Variants in CSMD2 observed in about 807,000 individuals in gnomAD.
CSMD2 encodes CUB and sushi domain-containing protein 2.
In CSMD2, 130 loss-of-function variants were observed where a neutral mutation model predicts 398.5. The observed-to-expected ratio is 0.33, with a 90% CI of 0.28 to 0.38. The LOEUF (loss-of-function observed/expected upper bound fraction) is 0.38. CSMD2 is among the 10% of genes least tolerant of loss of function. CSMD2 has a pLI of 1.00. For missense variants in CSMD2, 3,829 were observed against 4,764.9 expected (o/e 0.80, Z 5.78); for synonymous variants, 1,828 against 1,908.5 (o/e 0.96, Z 1.10).
At chr1:33,698,698 G>GA (rs1645502940) in intron 24 of CSMD2, 55 bp downstream of exon 24, 1 of 1,512,758 alleles carries the variant, frequency 6.6e-7, no homozygotes, top group African/African-American at 1.4e-5. Flanking sequence ...ACCAGGACTA[G>GA]AGCTTGGTAT....
intron 10 of CSMD2, among the ~76,000 whole-genome samples, chr1:33,806,640 T>G (rs112932528): frequency 6.6e-6 from 1 of 152,212 alleles, no homozygotes; most frequent in Admixed American, 6.5e-5. Flanking sequence ...TGTTTAATTA[T>G]GGAAAGAATT....
In CSMD2 at chr1:33,559,402, C is replaced by T; in HGVS notation, c.8452G>A (p.Val2818Met). The change falls in exon 54 of 71, where the codon GTG (valine) becomes ATG (methionine). Residue 2818 changes from valine to methionine, a missense_variant. Coordinates refer to ENST00000373381, the MANE Select transcript of CSMD2 (RefSeq NM_001281956.2). The surrounding 1 kb of genome is among the most constrained non-coding windows in gnomAD (Gnocchi z 4.0). Reference sequence around the variant, plus strand: ...CCAGGGTTGCAAACAAACTTGACCACATCGTTGAGGTTAAACTGGTTACCC... The same window carrying T: ...CCAGGGTTGCAAACAAACTTGACCATATCGTTGAGGTTAAACTGGTTACCC... ...TQGNQFNLND[V>M]VKFVCNPGYM... is the part of the protein sequence containing the mutation. The T allele has an allele frequency of 1.3e-6, 2 of 1,536,188 alleles. No individual in the cohort carries two copies. Among genetic ancestry groups the T allele is most frequent in the Non-Finnish European group, 1.7e-6 (2 of 1,146,914 alleles).
At chr1:34,137,081 C>T (rs1346736238) in intron 1 of CSMD2, among the ~76,000 whole-genome samples, 3 of 152,106 alleles carry the variant, frequency 2.0e-5, no homozygotes, top group Non-Finnish European at 4.4e-5. Flanking sequence ...ACCCCATCCA[C>T]TTATTCATTG....
chr1:34,001,298 T>C (rs1411659764), intron 3 of CSMD2, among the ~76,000 whole-genome samples: 1 of 152,034 alleles, frequency 6.6e-6, no homozygotes, highest in South Asian at 2.1e-4. Context: ...ATAGTGAAAG[T>C]TGAATTTCAA....
At chr1:34,130,169 G>T (rs537695608) in intron 1 of CSMD2, among the ~76,000 whole-genome samples, 8 of 152,192 alleles carry the variant, frequency 5.3e-5, no homozygotes, top group African/African-American at 1.9e-4. Flanking sequence ...GCAGCTTGTT[G>T]TCTAGTGGGG....
chr1:34,049,304 G>C (rs968801187), intron 2 of CSMD2, among the ~76,000 whole-genome samples: 2 of 152,154 alleles, frequency 1.3e-5, no homozygotes, highest in Non-Finnish European at 2.9e-5. Context: ...GTGGTTCAGG[G>C]ACTTTCTCAG....
In CSMD2 at chr1:33,714,594, C is replaced by A; in HGVS notation, c.3399G>T (p.Arg1133Ser). ...AAGCACGTGACCACCTACCAACACACCTTGGCAGAGGCGAGCTCCACAGGC... is the reference window on the plus strand; with the variant it reads ...AAGCACGTGACCACCTACCAACACAACTTGGCAGAGGCGAGCTCCACAGGC... ...RRRLWSSPLP[R>S]CVAECGNSVT... The change falls in exon 21 of 71, where the codon AGG becomes AGT. Residue 1133 changes from arginine to serine, a missense_variant. Transcript: ENST00000373381. 1 of 1,613,768 alleles carries A rather than the reference C, an allele frequency of 6.2e-7. No homozygotes were observed. Among genetic ancestry groups the A allele is most frequent in the Non-Finnish European group, 8.5e-7 (1 of 1,179,948 alleles).
In CSMD2 at chr1:34,014,104, C is replaced by G. The variant is rs979780413; in HGVS notation, c.517+18490G>C. On this transcript the variant is annotated intron_variant, in intron 3 of 70. Transcript: ENST00000373381. ...AATCTGCCAGCCAGTTCTATTAGCT[C>G]CACCTTCAAACTGTCTGGAAGATGC... is the stretch of plus-strand genomic sequence containing the variant. 5.9e-5 allele frequency among the ~76,000 whole-genome samples: 9 copies of G among 152,192 alleles called. No homozygotes were observed. In the South Asian group the frequency reaches 1.2e-3, roughly 21 times the overall value.
At chr1:33,581,928 C>A (rs1375977040) in intron 47 of CSMD2, among the ~76,000 whole-genome samples, 1 of 152,064 alleles carries the variant, frequency 6.6e-6, no homozygotes, top group Non-Finnish European at 1.5e-5. Context: ...GCCATGCAAA[C>A]TGTGAAGGGA....
At chr1:33,788,439 C>T (rs551260444) in intron 12 of CSMD2, among the ~76,000 whole-genome samples, 161 bp downstream of exon 12, 100 of 144,708 alleles carry the variant, frequency 6.9e-4, no homozygotes, top group African/African-American at 2.1e-3. Flanking sequence ...ACCTGGGAGG[C>T]GGAGGCTGTA....
chr1:33,651,073 G>A lies in CSMD2; in HGVS notation c.4586+1250C>T, dbSNP rs544521934. Reference sequence around the variant, plus strand: ...GGATGTTAAAATGGAAAGTAGGGTGGTTATTTCAGCATTTTTGAGTGACAC... The same window carrying A: ...GGATGTTAAAATGGAAAGTAGGGTGATTATTTCAGCATTTTTGAGTGACAC... On this transcript the variant is annotated intron_variant, in intron 28 of 70. Coordinates refer to ENST00000373381, the MANE Select transcript of CSMD2 (RefSeq NM_001281956.2). Among the ~76,000 whole-genome samples, 5 of 152,260 alleles carry A rather than the reference G, an allele frequency of 3.3e-5. No homozygotes were observed. The East Asian group carries it at 9.7e-4, about 29-fold the overall frequency.
intron 10 of CSMD2, among the ~76,000 whole-genome samples, chr1:33,810,116 T>C (rs1368685676): frequency 6.6e-6 from 1 of 152,050 alleles, no homozygotes; most frequent in Non-Finnish European, 1.5e-5. Flanking sequence ...AAAATTAAAA[T>C]AAAGATTCCA....
chr1:33,529,492 G>T (rs1219531469), intron 64 of CSMD2, among the ~76,000 whole-genome samples: 1 of 152,164 alleles, frequency 6.6e-6, no homozygotes, highest in South Asian at 2.1e-4. Context: ...TACATTTATG[G>T]TCAAATGATT....
chr1:33,565,056 G>A (rs1056450183), intron 53 of CSMD2, among the ~76,000 whole-genome samples: 3 of 152,168 alleles, frequency 2.0e-5, no homozygotes, highest in Admixed American at 6.5e-5. Flanking sequence ...TAAATTACAT[G>A]TAAGAGAAAT....
chr1:33,783,374 G>A (rs1653041535), intron 12 of CSMD2, among the ~76,000 whole-genome samples: 1 of 151,856 alleles, frequency 6.6e-6, no homozygotes, highest in South Asian at 2.1e-4. Context: ...TAAGGGCAGG[G>A]CCCCGATCTG....
At chr1:33,718,098 G>T (rs1452313250) in intron 19 of CSMD2, among the ~76,000 whole-genome samples, 4 of 152,158 alleles carry the variant, frequency 2.6e-5, no homozygotes, top group Admixed American at 1.3e-4. Context: ...ACAAAGAGAT[G>T]AAGTCATCTG....
chr1:33,817,755 C>T (rs1657638362), intron 9 of CSMD2, among the ~76,000 whole-genome samples: 1 of 152,206 alleles, frequency 6.6e-6, no homozygotes, highest in South Asian at 2.1e-4. Flanking sequence ...ATTATCACCA[C>T]TTTTTGGCAG....
At chr1:33,911,234 G>C (rs959910625) in intron 5 of CSMD2, among the ~76,000 whole-genome samples, 1 of 152,154 alleles carries the variant, frequency 6.6e-6, no homozygotes, top group Non-Finnish European at 1.5e-5. Flanking sequence ...AAGTAACAAA[G>C]AACATGAATG....
chr1:33,943,569 C>T (rs998677911), intron 3 of CSMD2, among the ~76,000 whole-genome samples: 1 of 152,218 alleles, frequency 6.6e-6, no homozygotes. Flanking sequence ...TGCAATCTCA[C>T]AAGCCCACAT....
Sources: gnomAD v4.1 joint callset for allele counts (sites outside exome capture counted in the v4.1 genomes callset) on GRCh38, gnomAD v4.1.1 for gene constraint, Gnocchi (gnomAD v3.1) non-coding constraint, MANE v1.5 for transcripts, NCBI Gene and HGNC (gene_info 2026-07-23, HGNC 2026-07-21) for gene names.